CDK14: variants seen among roughly 807,000 people sequenced by gnomAD.
The protein encoded by CDK14 is cyclin-dependent kinase 14.
Under a neutral mutation model 60.7 loss-of-function variants are expected in CDK14, and 34 were observed. The observed-to-expected ratio is 0.56, with a 90% CI of 0.43 to 0.75. CDK14 has a LOEUF of 0.75. CDK14 is among the 30% of genes least tolerant of loss of function. The pLI, the probability that CDK14 is intolerant of heterozygous loss-of-function variation, is 0.00. For missense variants in CDK14, 482 were observed against 564.1 expected (o/e 0.85, Z 1.47); for synonymous variants, 197 against 203.7 (o/e 0.97, Z 0.28).
chr7:90,724,851 T>C (rs1371362219), intron 2 of CDK14, among the ~76,000 whole-genome samples: 3 of 152,122 alleles, frequency 2.0e-5, no homozygotes, highest in Admixed American at 6.6e-5. Context: ...ATGTGGGTGG[T>C]TTCTTATTTA....
chr7:90,622,697 G>T (rs901446255), intron 2 of CDK14, among the ~76,000 whole-genome samples: 3 of 152,092 alleles, frequency 2.0e-5, no homozygotes, highest in Non-Finnish European at 4.4e-5. Flanking sequence ...TTGTGATTTG[G>T]GAGCTAGATT....
intron 2 of CDK14, among the ~76,000 whole-genome samples, chr7:90,637,777 T>A (rs1800190561): frequency 1.1e-5 from 1 of 94,742 alleles, no homozygotes; most frequent in South Asian, 3.5e-4. Context: ...TCTAAGTCTC[T>A]TTGTAGGTCC....
chr7:90,608,944 C>A (rs1563014471), intron 2 of CDK14, among the ~76,000 whole-genome samples: 1 of 152,152 alleles, frequency 6.6e-6, no homozygotes, highest in African/African-American at 2.4e-5. Context: ...GGAGACTGTG[C>A]ACAATGATAT....
At chr7:90,603,741 C>T (rs1361254156) in intron 1 of CDK14, among the ~76,000 whole-genome samples, 1 of 152,150 alleles carries the variant, frequency 6.6e-6, no homozygotes, top group Non-Finnish European at 1.5e-5. Flanking sequence ...CTCTGCAATG[C>T]TTGTTTTAGC....
At chr7:90,622,825 C>G (rs1473661133) in intron 2 of CDK14, among the ~76,000 whole-genome samples, 6 of 151,496 alleles carry the variant, frequency 4.0e-5, no homozygotes, top group Admixed American at 2.6e-4. Flanking sequence ...GAAATTCTTT[C>G]TTTACTGTCC....
At chr7:91,001,312 G>T (rs1362481010) in intron 10 of CDK14, among the ~76,000 whole-genome samples, 1 of 152,108 alleles carries the variant, frequency 6.6e-6, no homozygotes. Context: ...AGGTCTGTGT[G>T]TTCTACCAAA....
At chr7:91,052,874 G>A (rs537266940) in intron 11 of CDK14, among the ~76,000 whole-genome samples, 26 of 152,170 alleles carry the variant, frequency 1.7e-4, no homozygotes, top group Non-Finnish European at 3.7e-4. Flanking sequence ...TAAAGAATTT[G>A]CCATTGGAGG....
chr7:90,778,953 CT>C (rs1018808742), intron 4 of CDK14, among the ~76,000 whole-genome samples: 1 of 144,648 alleles, frequency 6.9e-6, no homozygotes. Flanking sequence ...CTTCTTTTCT[CT>C]TTTTTAAGAC....
chr7:90,627,143 A>C (rs1799892462), intron 2 of CDK14, among the ~76,000 whole-genome samples: 1 of 152,030 alleles, frequency 6.6e-6, no homozygotes, highest in Admixed American at 6.6e-5. Context: ...TTTATTATAC[A>C]TCTCAATTTA....
chr7:90,692,522 G>A (rs1801573356), intron 2 of CDK14: 1 of 157,414 alleles, frequency 6.4e-6, no homozygotes, highest in African/African-American at 2.4e-5. Flanking sequence ...ACTGTACACC[G>A]ATATCCCTTA....
intron 11 of CDK14, among the ~76,000 whole-genome samples, chr7:91,057,146 T>C (rs1359624138): frequency 6.6e-6 from 1 of 152,214 alleles, no homozygotes; most frequent in African/African-American, 2.4e-5. Context: ...GATTTGCATT[T>C]CTCTGATGGC....
At chr7:90,832,801 C>G (rs1002583844) in intron 5 of CDK14, among the ~76,000 whole-genome samples, 5 of 152,088 alleles carry the variant, frequency 3.3e-5, no homozygotes, top group African/African-American at 1.2e-4. Flanking sequence ...TGAAAAGGAG[C>G]TTATGTAAAA....
chr7:90,906,948 T>C (rs1025705355), intron 7 of CDK14, among the ~76,000 whole-genome samples: 1 of 152,138 alleles, frequency 6.6e-6, no homozygotes, highest in African/African-American at 2.4e-5. Flanking sequence ...ACTTTGCTAC[T>C]TTAATTGCTT....
intron 7 of CDK14, among the ~76,000 whole-genome samples, chr7:90,899,858 T>G (rs1792446643): frequency 6.6e-6 from 1 of 152,170 alleles, no homozygotes; most frequent in African/African-American, 2.4e-5. Flanking sequence ...AACTATGATT[T>G]CCTAAAATTT....
At chr7:90,935,287 T>C (rs1283762245) in intron 8 of CDK14, among the ~76,000 whole-genome samples, 2 of 152,256 alleles carry the variant, frequency 1.3e-5, no homozygotes, top group Non-Finnish European at 2.9e-5. Flanking sequence ...AAATGGCAAG[T>C]AAATTTCAAC....
At chr7:90,721,643 T>G (rs576488640) in intron 2 of CDK14, among the ~76,000 whole-genome samples, 191 of 152,270 alleles carry the variant, frequency 1.3e-3, no homozygotes, top group Non-Finnish European at 2.3e-3. Flanking sequence ...GATTTCTTCC[T>G]TTCCTTACTG....
At chr7:91,194,360 C>T (rs1044991736) in intron 14 of CDK14, among the ~76,000 whole-genome samples, 12 of 152,074 alleles carry the variant, frequency 7.9e-5, no homozygotes, top group African/African-American at 2.9e-4. Flanking sequence ...TGACATCTCA[C>T]ACAGAACAAC....
chr7:91,015,673 A>G (rs1450216143), intron 10 of CDK14, among the ~76,000 whole-genome samples: 4 of 150,880 alleles, frequency 2.7e-5, no homozygotes, highest in South Asian at 4.2e-4. Flanking sequence ...GACTACAGGC[A>G]CCCGCCACCA....
intron 8 of CDK14, among the ~76,000 whole-genome samples, chr7:90,944,427 C>A (rs1794037253): frequency 6.6e-6 from 1 of 152,136 alleles, no homozygotes; most frequent in African/African-American, 2.4e-5. Context: ...ACTGGAGATA[C>A]AAAGGCAGGT....
Sources: allele counts gnomAD v4.1 joint callset (sites outside exome capture counted in the v4.1 genomes callset), GRCh38; gene constraint gnomAD v4.1.1; transcripts MANE v1.5; gene names NCBI Gene and HGNC (gene_info 2026-07-23, HGNC 2026-07-21).